Variants in AFTPH observed in about 807,000 individuals in gnomAD.
AFTPH encodes the protein aftiphilin.
AFTPH carries 7 observed loss-of-function variants against 72.5 expected under a neutral mutation model. The ratio of observed to expected loss-of-function variants is 0.10; its 90% CI spans 0.05 to 0.18. The LOEUF (loss-of-function observed/expected upper bound fraction) is 0.18, where lower values mean the gene tolerates loss of function less well. AFTPH is among the 10% of genes least tolerant of loss of function. The pLI is 1.00. For missense variants in AFTPH, 979 were observed against 1,060.5 expected (o/e 0.92, Z 1.07); for synonymous variants, 337 against 370.1 (o/e 0.91, Z 1.03).
rs543509460 is a variant in AFTPH at position 64,551,338 on chromosome 2, A to G, written c.-32-105A>G. The G allele has an allele frequency of 4.3e-4, 359 of 841,524 alleles. No homozygotes were observed. In the African/African-American group the frequency reaches 5.6e-3, roughly 13 times the overall value. 52.1% of individuals were successfully genotyped at this position (841,524 alleles called of 1,614,324 possible). ...TCAAGGAAAAAAGGAGACAAAATAGAGCATTGTAAATTTGCATTGTTTTAA... is the reference window on the plus strand; with the variant it reads ...TCAAGGAAAAAAGGAGACAAAATAGGGCATTGTAAATTTGCATTGTTTTAA... On this transcript the variant is annotated intron_variant, in intron 1 of 8. Transcript: ENST00000238856.
At chr2:64,575,920 G>A (rs2104131450) in intron 6 of AFTPH, among the ~76,000 whole-genome samples, 1 of 151,810 alleles carries the variant, frequency 6.6e-6, no homozygotes, top group South Asian at 2.1e-4. Context: ...CGTATTTTTA[G>A]TAGAGACAGG....
exon 2 of AFTPH, chr2:64,551,673 C>G (rs762614428): frequency 1.2e-6 from 2 of 1,613,734 alleles, no homozygotes; most frequent in East Asian, 2.2e-5. Context: ...CCATTTTATG[C>G]CAATTCATGA....
intron 8 of AFTPH, among the ~76,000 whole-genome samples, chr2:64,589,075 A>T (rs1266340451): frequency 3.3e-5 from 5 of 152,158 alleles, no homozygotes; most frequent in Non-Finnish European, 5.9e-5. Flanking sequence ...GATAAGATCT[A>T]ATTTTTCTTG....
At chr2:64,539,274 CACTG>C (rs1481758524) in intron 1 of AFTPH, among the ~76,000 whole-genome samples, 3 of 152,168 alleles carry the variant, frequency 2.0e-5, no homozygotes, top group Non-Finnish European at 4.4e-5. Context: ...TGGCGACACT[CACTG>C]ACACCTCTGC....
At chr2:64,533,223 C>A (rs1669721809) in intron 1 of AFTPH, among the ~76,000 whole-genome samples, 1 of 152,016 alleles carries the variant, frequency 6.6e-6, no homozygotes, top group Admixed American at 6.6e-5. Flanking sequence ...CATGACAAAA[C>A]CCCATCTCTA....
chr2:64,571,811 T>G (rs888990436), intron 5 of AFTPH, among the ~76,000 whole-genome samples: 1 of 152,360 alleles, frequency 6.6e-6, no homozygotes, highest in South Asian at 2.1e-4. Flanking sequence ...TTTGACTTTT[T>G]TCAGGCCTAG....
At chr2:64,557,288 G>A (rs1671435299) in intron 2 of AFTPH, among the ~76,000 whole-genome samples, 1 of 152,104 alleles carries the variant, frequency 6.6e-6, no homozygotes, top group Non-Finnish European at 1.5e-5. Flanking sequence ...TAGGTAATTG[G>A]TAAGTAATCT....
chr2:64,526,843 A>G (rs1433067473), intron 1 of AFTPH, among the ~76,000 whole-genome samples: 1 of 152,230 alleles, frequency 6.6e-6, no homozygotes. Context: ...TACTAACTCA[A>G]TCCACACAAC....
intron 1 of AFTPH, among the ~76,000 whole-genome samples, chr2:64,528,243 C>T (rs1245454898): frequency 6.6e-6 from 1 of 152,124 alleles, no homozygotes; most frequent in Non-Finnish European, 1.5e-5. Flanking sequence ...TAAACCATTT[C>T]AATTAAATAT....
At chr2:64,576,387 A>G (rs1474379300) in intron 6 of AFTPH, among the ~76,000 whole-genome samples, 1 of 151,916 alleles carries the variant, frequency 6.6e-6, no homozygotes, top group Non-Finnish European at 1.5e-5. Context: ...TTTGGTACCC[A>G]TTGAGTTTGT....
chr2:64,552,999 G>A, exon 2 of AFTPH: 1 of 1,614,138 alleles, frequency 6.2e-7, no homozygotes. Flanking sequence ...TAATTTATCA[G>A]AAGAATGTCA....
rs754011963 is a variant in AFTPH, at chr2:64,552,310, T to C, written c.836T>C (p.Val279Ala). Residue 279 changes from valine (V) to alanine (A), a missense_variant, in exon 2 of 9, where the codon GTG becomes GCG. By Grantham distance (64) the Val-to-Ala change is moderately conservative. Transcript: ENST00000238856. ...AATGAACTGAATTCTGTAAAAGAAGTGGCTTTGGGTAGAAGCTTGGATAAC... is the reference window on the plus strand; with the variant it reads ...AATGAACTGAATTCTGTAAAAGAAGCGGCTTTGGGTAGAAGCTTGGATAAC... The C allele has an allele frequency of 5.6e-6, 9 of 1,614,104 alleles. No homozygotes were observed. The East Asian group carries it at 2.0e-4, about 36-fold the overall frequency.
At chr2:64,525,520 A>T (rs1473086590) in intron 1 of AFTPH, 1 of 154,370 alleles carries the variant, frequency 6.5e-6, no homozygotes, top group East Asian at 1.9e-4. Flanking sequence ...TTCTCACTTT[A>T]GGAGAAGTAA....
chr2:64,571,972 T>C (rs911979758), intron 5 of AFTPH, among the ~76,000 whole-genome samples: 2 of 152,268 alleles, frequency 1.3e-5, no homozygotes, highest in Admixed American at 1.3e-4. Flanking sequence ...TCCTAGCACT[T>C]TGGGAGGCCA....
intron 1 of AFTPH, 57 bp downstream of exon 1, chr2:64,524,669 A>AGGCCC: frequency 2.5e-6 from 1 of 394,908 alleles, no homozygotes. Context: ...TGCGGGGACC[A>AGGCCC]GGCCCGGCCC....
intron 2 of AFTPH, among the ~76,000 whole-genome samples, chr2:64,562,310 C>T (rs920462744): frequency 2.0e-5 from 3 of 150,478 alleles, no homozygotes; most frequent in Non-Finnish European, 4.4e-5. Flanking sequence ...CAATTATGCC[C>T]CCTGCAGTCC....
exon 2 of AFTPH, chr2:64,552,187 C>T (rs537022705): frequency 1.2e-6 from 2 of 1,613,342 alleles, no homozygotes; most frequent in African/African-American, 1.3e-5. Context: ...GCCACATTTT[C>T]CAAAAAGGAA....
At chr2:64,558,934 T>C (rs750702434) in intron 2 of AFTPH, among the ~76,000 whole-genome samples, 19 of 151,984 alleles carry the variant, frequency 1.3e-4, no homozygotes, top group Non-Finnish European at 1.8e-4. Flanking sequence ...AATGTACACA[T>C]CTTTAGGATC....
chr2:64,524,938 G>A lies in AFTPH; in HGVS notation c.-33+326G>A, dbSNP rs7558258. ...CTTTGCTTCCACCTCCCAAAGCTCC[G>A]CGCTGGCTGCGTTCTCCAGGGAGCT... On this transcript the variant is annotated intron_variant, in intron 1 of 8. Coordinates refer to ENST00000238856, the Ensembl canonical transcript of AFTPH. 2.2e-3 allele frequency among the ~76,000 whole-genome samples: 333 copies of A among 152,338 alleles called. 1 individual carries two copies. The highest frequency in any genetic ancestry group is 7.5e-3 in the African/African-American group (312 of 41,578).
Sources: gnomAD v4.1 joint callset for allele counts (sites outside exome capture counted in the v4.1 genomes callset) on GRCh38, gnomAD v4.1.1 for gene constraint, MANE v1.5 for transcripts, NCBI Gene and HGNC (gene_info 2026-07-23, HGNC 2026-07-21) for gene names.